Variants in IL21 observed in about 807,000 individuals in gnomAD.
IL21 encodes the protein interleukin 21.
IL21 carries 3 observed loss-of-function variants against 18.4 expected under a neutral mutation model. The ratio of observed to expected loss-of-function variants is 0.16; its 90% CI spans 0.07 to 0.42. IL21 has a LOEUF of 0.42. IL21 is among the 10% of genes least tolerant of loss of function. The probability of loss-of-function intolerance (pLI) is 0.99; values close to 1 mark genes in which losing one functional copy is unlikely to be tolerated. For missense variants in IL21, 130 were observed against 188.4 expected (o/e 0.69, Z 1.81); for synonymous variants, 37 against 62.0 (o/e 0.60, Z 1.90).
rs780735480 is a variant in IL21, at chr4:122,620,787, C to G, written c.169-51G>C. On this transcript the variant is annotated intron_variant, in intron 1 of 4. Coordinates refer to ENST00000648588, the MANE Select transcript of IL21 (RefSeq NM_021803.4). ...AGTTATTTTTATAAGCCAAACCCTCCTTTTATATTAATTGAAAAGTATGAT... is the reference window on the plus strand; with the variant it reads ...AGTTATTTTTATAAGCCAAACCCTCGTTTTATATTAATTGAAAAGTATGAT... 4 of 1,611,602 alleles carry G rather than the reference C, an allele frequency of 2.5e-6. No homozygotes were observed. In the Admixed American group the frequency reaches 5.0e-5, roughly 20 times the overall value.
intron 3 of IL21, among the ~76,000 whole-genome samples, chr4:122,613,678 A>C (rs1025078555): frequency 6.6e-6 from 1 of 151,974 alleles, no homozygotes; most frequent in Non-Finnish European, 1.5e-5. Context: ...TTTTGTCTAC[A>C]TTACTCCAAA....
rs1244005723 is a variant in IL21 at position 122,612,694 on chromosome 4, A to G, written c.*16T>C. 19 of 1,561,550 alleles carry G rather than the reference A, an allele frequency of 1.2e-5. No homozygotes were observed. The highest frequency in any genetic ancestry group is 1.6e-5 in the Non-Finnish European group (18 of 1,132,802). Reference sequence around the variant, plus strand: ...ATTAGAGTATGTAACATAGTGTCCAACTGCAAGTTAGATCCTCAGGAATCT... The same window carrying G: ...ATTAGAGTATGTAACATAGTGTCCAGCTGCAAGTTAGATCCTCAGGAATCT... On this transcript the variant is annotated 3_prime_UTR_variant, in exon 5 of 5. Transcript: ENST00000648588.
At chr4:122,613,308 G>GT (rs1799287766) in intron 3 of IL21, among the ~76,000 whole-genome samples, 1 of 144,762 alleles carries the variant, frequency 6.9e-6, no homozygotes, top group East Asian at 2.0e-4. Flanking sequence ...AACATAGGAT[G>GT]CAACTCTTAC....
rs190722966 is a variant in IL21 at position 122,612,441 on chromosome 4, G to C, written c.*269C>G. On this transcript the variant is annotated 3_prime_UTR_variant, in exon 5 of 5. Coordinates refer to ENST00000648588, the MANE Select transcript of IL21 (RefSeq NM_021803.4). ...CAATAGATGTCAAAACTGTATTTTT[G>C]GTTAAAAATTTTAGCCTTCTCCTTC... Among the ~76,000 whole-genome samples the C allele has an allele frequency of 1.3e-5, 2 of 152,016 alleles. No homozygotes were observed. Among genetic ancestry groups the C allele is most frequent in the East Asian group, 3.9e-4 (2 of 5,168 alleles).
chr4:122,614,016 A>T (rs1799301930), intron 3 of IL21, among the ~76,000 whole-genome samples: 3 of 152,182 alleles, frequency 2.0e-5, no homozygotes, highest in African/African-American at 7.2e-5. Context: ...TAGATACCAA[A>T]CACCAAGCCA....
intron 3 of IL21, 36 bp downstream of exon 3, chr4:122,615,646 A>G: frequency 6.3e-7 from 1 of 1,582,648 alleles, no homozygotes; most frequent in Non-Finnish European, 8.6e-7. Flanking sequence ...ATAGTTTATA[A>G]GTACAAATAA....
Position 122,610,857 on chromosome 4 carries a change from G to A in IL21, c.*1853C>T, listed in dbSNP as rs926985636. ...TTATTCCAATGCATTGCCTTTCCTG[G>A]AGTGCTGGTGGGTTTAACTCTGGTT... On this transcript the variant is annotated 3_prime_UTR_variant, in exon 5 of 5. Coordinates refer to ENST00000648588, the MANE Select transcript of IL21 (RefSeq NM_021803.4). Among the ~76,000 whole-genome samples the A allele has an allele frequency of 2.4e-4, 36 of 152,214 alleles. No homozygotes were observed. The highest frequency in any genetic ancestry group is 3.4e-4 in the Non-Finnish European group (23 of 68,002).
chr4:122,616,426 C>T (rs1212891870), intron 2 of IL21, among the ~76,000 whole-genome samples: 1 of 152,158 alleles, frequency 6.6e-6, no homozygotes, highest in Non-Finnish European at 1.5e-5. Flanking sequence ...GGGTACCTCC[C>T]TCTGATAGCA....
intron 2 of IL21, chr4:122,618,945 T>C (rs1799383174): frequency 6.6e-6 from 1 of 151,920 alleles, no homozygotes; most frequent in African/African-American, 2.4e-5. Flanking sequence ...TTGTGCATTC[T>C]AGAATGTTTA....
At position 122,611,272 on chromosome 4, in the gene IL21, A is replaced by G. The variant is rs931829315; in HGVS notation, c.*1438T>C. Among the ~76,000 whole-genome samples the G allele has an allele frequency of 6.6e-6, 1 of 152,130 alleles. No homozygotes were observed. Among genetic ancestry groups the G allele is most frequent in the Non-Finnish European group, 1.5e-5 (1 of 67,990 alleles). On this transcript the variant is annotated 3_prime_UTR_variant, in exon 5 of 5. Transcript: ENST00000648588. ...AAAACAGAGTACCTTGTTTCTGATG[A>G]TAAATTTTTTTTTCTTTTTTCTGAG... is the stretch of plus-strand genomic sequence containing the variant.
chr4:122,613,156 A>G (rs1391546774), intron 3 of IL21, among the ~76,000 whole-genome samples: 1 of 151,486 alleles, frequency 6.6e-6, no homozygotes, highest in Non-Finnish European at 1.5e-5. Context: ...TGTTTTGGGT[A>G]TTTTTAATTA....
chr4:122,614,613 A>G (rs1799312015), intron 3 of IL21, among the ~76,000 whole-genome samples: 1 of 152,088 alleles, frequency 6.6e-6, no homozygotes, highest in Non-Finnish European at 1.5e-5. Flanking sequence ...AGGCTGAGGC[A>G]GGAGAATTGC....
chr4:122,613,864 T>C (rs1287302492), intron 3 of IL21, among the ~76,000 whole-genome samples: 2 of 152,214 alleles, frequency 1.3e-5, no homozygotes, highest in Non-Finnish European at 2.9e-5. Flanking sequence ...TTAAAATGTT[T>C]AATTGGAAAA....
rs1278743935 is a variant in IL21, at chr4:122,610,245, AT to A, written c.*2464del. ...ATATTAGCTAAATTCTCAGATGCAT[AT>A]GTAAATACAACAGAGCAATAATATA... On this transcript the variant is annotated 3_prime_UTR_variant, in exon 5 of 5. Transcript: ENST00000648588. Among the ~76,000 whole-genome samples the A allele has an allele frequency of 1.3e-5, 2 of 152,218 alleles. No individual in the cohort carries two copies. Among genetic ancestry groups the A allele is most frequent in the East Asian group, 3.8e-4 (2 of 5,196 alleles).
At chr4:122,619,503 T>C (rs1799393781) in intron 2 of IL21, 1 of 152,248 alleles carries the variant, frequency 6.6e-6, no homozygotes, top group Non-Finnish European at 1.5e-5. Flanking sequence ...GTGGAATCTC[T>C]TTCTTATTTC....
rs79732192 is a variant in IL21, at chr4:122,613,039, C to T, written c.361-111G>A. The T allele has an allele frequency of 3.4e-4, 224 of 650,534 alleles. 4 individuals are homozygous for T. The South Asian group carries it at 3.8e-3, about 11-fold the overall frequency. The allele number at this position is 650,534 out of a possible 1,614,324, so 40.3% of individuals were successfully genotyped here. ...TAAATTATGTTCACTGAAAAACATTCGAGAAGTACATAAAACTGTTTGGAA... is the reference window on the plus strand; with the variant it reads ...TAAATTATGTTCACTGAAAAACATTTGAGAAGTACATAAAACTGTTTGGAA... On this transcript the variant is annotated intron_variant, in intron 3 of 4. Transcript: ENST00000648588.
chr4:122,614,308 G>C (rs916284339), intron 3 of IL21, among the ~76,000 whole-genome samples: 30 of 152,014 alleles, frequency 2.0e-4, no homozygotes, highest in African/African-American at 6.0e-4. Flanking sequence ...TTTTCACATG[G>C]TCACCAGGCC....
In IL21 at chr4:122,612,922, G is replaced by C; in HGVS notation, c.367C>G (p.Pro123Ala). The C allele has an allele frequency of 3.8e-6, 6 of 1,589,928 alleles. No individual in the cohort carries two copies. The highest frequency in any genetic ancestry group is 5.2e-6 in the Non-Finnish European group (6 of 1,163,330). Residue 123 changes from proline (P) to alanine (A), a missense_variant, in exon 4 of 5, where the codon CCT becomes GCT. By Grantham distance (27) the Pro-to-Ala change is conservative. Coordinates refer to ENST00000648588, the MANE Select transcript of IL21 (RefSeq NM_021803.4). ...TTTTTCTCATAAGAATCACATGAAG[G>C]GCATGTCTAGAAATCAATGAAAAAG... ...GRRQKHRLTC[P>A]SCDSYEKKPP...
rs1799256086 is a variant in IL21 at position 122,610,914 on chromosome 4, C to A, written c.*1796G>T. On this transcript the variant is annotated 3_prime_UTR_variant, in exon 5 of 5. Coordinates refer to ENST00000648588, the MANE Select transcript of IL21 (RefSeq NM_021803.4). Reference sequence around the variant, plus strand: ...CAGAGTTTATCTGGGTGTTTAAACTCTGTTTAATGAAGGCTCTTAGCCAAA... The same window carrying A: ...CAGAGTTTATCTGGGTGTTTAAACTATGTTTAATGAAGGCTCTTAGCCAAA... 6.6e-6 allele frequency among the ~76,000 whole-genome samples: 1 copy of A among 152,106 alleles called. No individual in the cohort carries two copies. Among genetic ancestry groups the A allele is most frequent in the African/African-American group, 2.4e-5 (1 of 41,406 alleles).
Sources: allele counts gnomAD v4.1 joint callset (sites outside exome capture counted in the v4.1 genomes callset), GRCh38; gene constraint gnomAD v4.1.1; transcripts MANE v1.5; gene names NCBI Gene and HGNC (gene_info 2026-07-23, HGNC 2026-07-21).